HACD4: variants seen among roughly 807,000 people sequenced by gnomAD.
HACD4 encodes the protein very-long-chain (3R)-3-hydroxyacyl-CoA dehydratase 4.
HACD4 carries 35 observed loss-of-function variants against 33.3 expected under a neutral mutation model. The ratio of observed to expected loss-of-function variants is 1.05; its 90% CI spans 0.80 to 1.39. The LOEUF (loss-of-function observed/expected upper bound fraction) is 1.39. HACD4 is among the 40% of genes most tolerant of loss of function. The pLI is 0.00. For missense variants in HACD4, 323 were observed against 276.5 expected (o/e 1.17, Z -1.19); for synonymous variants, 118 against 98.0 (o/e 1.20, Z -1.21).
chr9:21,015,587 A>G, intron 4 of HACD4: 1 of 208,076 alleles, frequency 4.8e-6, no homozygotes. Context: ...AAGCAACCGT[A>G]CTAAAGCAAT....
rs1336190327 is a variant in HACD4, at chr9:21,015,880, A to T, written c.383+18T>A. On this transcript the variant is annotated intron_variant, in intron 4 of 6. Coordinates refer to ENST00000495827, the MANE Select transcript of HACD4 (RefSeq NM_001010915.5). Reference sequence around the variant, plus strand: ...AAGCAATTTAGCCTTGTTTTAAGAGATTATTTTGCCTTCTTACCTAACCAT... The same window carrying T: ...AAGCAATTTAGCCTTGTTTTAAGAGTTTATTTTGCCTTCTTACCTAACCAT... 5 of 1,517,320 alleles carry T rather than the reference A, an allele frequency of 3.3e-6. No homozygotes were observed. Among genetic ancestry groups the T allele is most frequent in the Non-Finnish European group, 4.6e-6 (5 of 1,093,074 alleles). 94.0% of individuals were successfully genotyped at this position (1,517,320 alleles called of 1,614,324 possible).
At chr9:21,007,233 C>T in intron 6 of HACD4, 114 bp from the exon 7 acceptor site, 2 of 668,858 alleles carry the variant, frequency 3.0e-6, no homozygotes, top group Non-Finnish European at 5.4e-6. Context: ...AAGACACTTG[C>T]AAGGGAGATG....
Position 21,011,715 on chromosome 9 carries a change from T to C in HACD4, c.384-20A>G. 1.5e-6 allele frequency: 2 copies of C among 1,299,098 alleles called. No individual in the cohort carries two copies. Among genetic ancestry groups the C allele is most frequent in the South Asian group, 1.3e-5 (1 of 78,526 alleles). 80.5% of individuals were successfully genotyped at this position (1,299,098 alleles called of 1,614,324 possible). On this transcript the variant is annotated intron_variant, in intron 4 of 6. Coordinates refer to ENST00000495827, the MANE Select transcript of HACD4 (RefSeq NM_001010915.5). ...GTGTACCTGAAAGGAGATGAGAAGC[T>C]CATAAACATCATTTTCTGCTAATAT... is the stretch of plus-strand genomic sequence containing the variant.
intron 3 of HACD4, chr9:21,017,767 C>G (rs1018666087): frequency 3.9e-5 from 6 of 152,170 alleles, no homozygotes; most frequent in Admixed American, 3.9e-4. Flanking sequence ...CTGATACTAG[C>G]CCAGCCCCAC....
chr9:21,021,588 GACAA>G (rs1206414059), intron 3 of HACD4, among the ~76,000 whole-genome samples: 1 of 152,068 alleles, frequency 6.6e-6, no homozygotes, highest in Non-Finnish European at 1.5e-5. Flanking sequence ...ACCAATAACA[GACAA>G]ACAGAGAGCC....
chr9:21,007,245 G>A (rs2132765919), intron 6 of HACD4, 126 bp from the exon 7 acceptor site: 2 of 633,912 alleles, frequency 3.2e-6, no homozygotes, highest in East Asian at 2.7e-5. Flanking sequence ...AGGGAGATGT[G>A]AGAAGGAATG....
At chr9:21,027,762 G>A (rs374788439) in intron 2 of HACD4, among the ~76,000 whole-genome samples, 53 of 152,330 alleles carry the variant, frequency 3.5e-4, no homozygotes, top group African/African-American at 9.9e-4. Flanking sequence ...GTTGTTTTCA[G>A]TCTGTCTCCT....
chr9:21,029,490 G>T, intron 1 of HACD4, 92 bp from the exon 2 acceptor site: 1 of 692,332 alleles, frequency 1.4e-6, no homozygotes, highest in South Asian at 2.3e-5. Flanking sequence ...GCCAACCTGA[G>T]AAAGCAAAAG....
intron 4 of HACD4, among the ~76,000 whole-genome samples, chr9:21,014,519 T>C (rs919340756): frequency 1.8e-4 from 27 of 152,118 alleles, no homozygotes; most frequent in African/African-American, 6.0e-4. Flanking sequence ...AGGCAATCCA[T>C]AGAGACAGCA....
At chr9:21,029,542 T>A in intron 1 of HACD4, 144 bp from the exon 2 acceptor site, 1 of 480,438 alleles carries the variant, frequency 2.1e-6, no homozygotes, top group Non-Finnish European at 3.7e-6. Flanking sequence ...TACCCCCAAG[T>A]ACATATCAGA....
At chr9:21,011,055 C>T (rs368655137) in intron 5 of HACD4, among the ~76,000 whole-genome samples, 1 of 152,104 alleles carries the variant, frequency 6.6e-6, no homozygotes, top group East Asian at 1.9e-4. Context: ...GGATCATGGC[C>T]TAGTTTGGGG....
chr9:21,023,139 G>A (rs1474223467), intron 3 of HACD4, among the ~76,000 whole-genome samples: 7 of 147,000 alleles, frequency 4.8e-5, no homozygotes, highest in Admixed American at 2.8e-4. Flanking sequence ...AACACCACAT[G>A]TTCTCCCTCA....
intron 3 of HACD4, among the ~76,000 whole-genome samples, chr9:21,020,270 T>C (rs889398959): frequency 4.6e-5 from 7 of 152,172 alleles, no homozygotes; most frequent in Non-Finnish European, 7.4e-5. Context: ...ATCATTTTAA[T>C]TCAATTACAA....
rs1163796860 is a variant in HACD4 at position 21,001,605 on chromosome 9, G to T, written c.*5432C>A. The T allele has an allele frequency of 1.3e-5, 2 of 152,094 alleles. No individual in the cohort carries two copies. Among genetic ancestry groups the T allele is most frequent in the Non-Finnish European group, 2.9e-5 (2 of 67,984 alleles). The allele number at this position is 152,094 out of a possible 1,614,324, so 9.4% of individuals were successfully genotyped here. The stretch of plus-strand genomic sequence containing the variant: ...CTATCAAAAGCCAAAGACAGAAAGA[G>T]AATCTTGAAAGTAGCATGAAAAAAT... On this transcript the variant is annotated 3_prime_UTR_variant, in exon 7 of 7. Coordinates refer to ENST00000495827, the MANE Select transcript of HACD4 (RefSeq NM_001010915.5).
intron 3 of HACD4, among the ~76,000 whole-genome samples, chr9:21,023,732 G>A (rs1587837939): frequency 1.3e-5 from 2 of 152,120 alleles, no homozygotes; most frequent in Admixed American, 1.3e-4. Context: ...GCGCCACCAC[G>A]TCCAGCTAAT....
chr9:21,014,230 G>C (rs557175689), intron 4 of HACD4, among the ~76,000 whole-genome samples: 1 of 152,232 alleles, frequency 6.6e-6, no homozygotes, highest in South Asian at 2.1e-4. Context: ...TAGGTATAAG[G>C]GAAATGAAAA....
intron 3 of HACD4, among the ~76,000 whole-genome samples, 192 bp downstream of exon 3, chr9:21,026,404 C>G (rs1454309303): frequency 2.0e-5 from 3 of 152,208 alleles, no homozygotes; most frequent in Non-Finnish European, 4.4e-5. Flanking sequence ...CATCACTGCC[C>G]TCAGTGTTTC....
At chr9:21,012,577 T>G (rs1174144927) in intron 4 of HACD4, among the ~76,000 whole-genome samples, 1 of 152,220 alleles carries the variant, frequency 6.6e-6, no homozygotes, top group African/African-American at 2.4e-5. Context: ...TCTTAGGTAT[T>G]CTTTCAAAAA....
At chr9:21,010,127 G>A (rs1174101466) in intron 5 of HACD4, among the ~76,000 whole-genome samples, 7 of 152,110 alleles carry the variant, frequency 4.6e-5, no homozygotes, top group Non-Finnish European at 7.4e-5. Context: ...ATCATTTTAT[G>A]TTAAACACCA....
Sources: gnomAD v4.1 joint callset for allele counts (sites outside exome capture counted in the v4.1 genomes callset) on GRCh38, gnomAD v4.1.1 for gene constraint, MANE v1.5 for transcripts, NCBI Gene and HGNC (gene_info 2026-07-23, HGNC 2026-07-21) for gene names.